The following COL5A2 variants were observed in gnomAD, a reference collection of about 807,000 sequenced individuals.
COL5A2 encodes collagen alpha-2(V) chain.
COL5A2 carries 23 observed loss-of-function variants against 208.2 expected under a neutral mutation model. That is an observed-to-expected ratio of 0.11 (90% CI 0.08 to 0.16). The LOEUF (loss-of-function observed/expected upper bound fraction) is 0.16. COL5A2 is among the 10% of genes least tolerant of loss of function. The probability of loss-of-function intolerance (pLI) is 1.00; values close to 1 mark genes in which losing one functional copy is unlikely to be tolerated. For synonymous variants in COL5A2, 625 were observed against 628.5 expected (o/e 0.99, Z 0.08); for missense variants, 1,590 against 1,956.4 (o/e 0.81, Z 3.53).
the COL5A2 span, among the ~76,000 whole-genome samples, chr2:189,312,946 T>A: frequency 6.6e-6 from 1 of 150,802 alleles, no homozygotes; most frequent in Non-Finnish European, 1.5e-5. Context: ...ATGAGAAAGA[T>A]TCAGCACAAG....
chr2:189,176,510 T>C (rs1688680917), intron 1 of COL5A2, among the ~76,000 whole-genome samples: 1 of 152,184 alleles, frequency 6.6e-6, no homozygotes, highest in Non-Finnish European at 1.5e-5. Context: ...CCATGTTGAA[T>C]ACAATGATTC....
At chr2:189,192,008 C>A (rs1688938532) in intron 1 of COL5A2, among the ~76,000 whole-genome samples, 1 of 152,116 alleles carries the variant, frequency 6.6e-6, no homozygotes, top group Admixed American at 6.5e-5. Context: ...AATCAGTAAC[C>A]ATACATAGAT....
chr2:189,075,069 G>A (rs890249389), intron 17 of COL5A2, among the ~76,000 whole-genome samples: 2 of 152,090 alleles, frequency 1.3e-5, no homozygotes, highest in Admixed American at 1.3e-4. Context: ...AGCCCACTGT[G>A]TTTTGTCATC....
the COL5A2 span, among the ~76,000 whole-genome samples, chr2:189,271,413 T>G: frequency 6.6e-6 from 1 of 152,134 alleles, no homozygotes; most frequent in Non-Finnish European, 1.5e-5. Context: ...GGGGAAAGGA[T>G]TCCCTATTTA....
At chr2:189,057,180 A>G (rs1045994033) in intron 34 of COL5A2, 140 bp downstream of exon 34, 5 of 1,031,972 alleles carry the variant, frequency 4.8e-6, no homozygotes, top group Non-Finnish European at 7.4e-6. Context: ...TTCTCAGTAA[A>G]TGTTTATTAG....
At chr2:189,119,123 T>C (rs1687451626) in intron 1 of COL5A2, among the ~76,000 whole-genome samples, 1 of 152,118 alleles carries the variant, frequency 6.6e-6, no homozygotes, top group Admixed American at 6.6e-5. Flanking sequence ...ATACTTGGTA[T>C]GAGAAAAAGA....
chr2:189,254,155 T>C, the COL5A2 span, among the ~76,000 whole-genome samples: 1 of 152,246 alleles, frequency 6.6e-6, no homozygotes, highest in Non-Finnish European at 1.5e-5. Flanking sequence ...AGTTCTCTGT[T>C]GATTGCCCTT....
chr2:189,039,861 T>TTATGTTAATAGCATGCAGATATG (rs1296192325), intron 50 of COL5A2, among the ~76,000 whole-genome samples: 2 of 152,060 alleles, frequency 1.3e-5, no homozygotes, highest in African/African-American at 2.4e-5. Context: ...ACAACATATT[T>TTATGTTAATAGCATGCAGATATG]TATGTTAATA....
the COL5A2 span, among the ~76,000 whole-genome samples, chr2:189,409,405 G>A: frequency 4.0e-5 from 6 of 151,692 alleles, no homozygotes; most frequent in African/African-American, 1.2e-4. Context: ...TAAAGCACAT[G>A]CCCTAGTCAG....
At chr2:189,298,461 G>T in the COL5A2 span, among the ~76,000 whole-genome samples, 5 of 151,974 alleles carry the variant, frequency 3.3e-5, no homozygotes, top group Admixed American at 2.0e-4. Flanking sequence ...TCCTGCTGGG[G>T]TCCCCCTGAC....
At chr2:189,428,471 A>T in the COL5A2 span, among the ~76,000 whole-genome samples, 3 of 152,154 alleles carry the variant, frequency 2.0e-5, no homozygotes, top group Non-Finnish European at 4.4e-5. Context: ...TACAAAAATT[A>T]GCTGGGTGTG....
chr2:189,058,337 A>C, intron 33 of COL5A2, 92 bp downstream of exon 33: 1 of 1,033,770 alleles, frequency 9.7e-7, no homozygotes, highest in Non-Finnish European at 1.5e-6. Context: ...TTATCTTTCA[A>C]AAACAAGACA....
At chr2:189,258,638 T>A in the COL5A2 span, among the ~76,000 whole-genome samples, 3 of 152,214 alleles carry the variant, frequency 2.0e-5, no homozygotes, top group African/African-American at 7.2e-5. Flanking sequence ...TTGTAAGGAA[T>A]ATGATGTGTT....
chr2:189,253,861 T>G, the COL5A2 span, among the ~76,000 whole-genome samples: 1 of 152,242 alleles, frequency 6.6e-6, no homozygotes. Flanking sequence ...CCTTCATTGC[T>G]CTGTGAGACC....
At chr2:189,088,622 TAACTC>T in intron 8 of COL5A2, 68 bp downstream of exon 8, 2 of 1,095,058 alleles carry the variant, frequency 1.8e-6, no homozygotes, top group East Asian at 2.4e-5. Context: ...TTTGACTAGT[TAACTC>T]AAGATTCTCT....
chr2:189,071,759 T>C (rs1167085237), intron 18 of COL5A2, among the ~76,000 whole-genome samples: 1 of 152,210 alleles, frequency 6.6e-6, no homozygotes, highest in Non-Finnish European at 1.5e-5. Flanking sequence ...CTATTCCTTA[T>C]AGTTGTTTTG....
At chr2:189,335,368 G>A in the COL5A2 span, among the ~76,000 whole-genome samples, 1 of 152,096 alleles carries the variant, frequency 6.6e-6, no homozygotes, top group African/African-American at 2.4e-5. Flanking sequence ...TGGTGGGAAT[G>A]TAAAATGGTG....
intron 1 of COL5A2, among the ~76,000 whole-genome samples, chr2:189,142,761 T>G (rs1309918930): frequency 1.3e-5 from 2 of 152,080 alleles, no homozygotes; most frequent in African/African-American, 4.8e-5. Flanking sequence ...TGTGTCACCT[T>G]TCTCAAACCT....
chr2:189,402,385 T>C, the COL5A2 span, among the ~76,000 whole-genome samples: 4 of 152,150 alleles, frequency 2.6e-5, no homozygotes, highest in Non-Finnish European at 5.9e-5. Flanking sequence ...ACCCAGTTAA[T>C]TTTTGAATTT....
Sources: allele counts gnomAD v4.1 joint callset (sites outside exome capture counted in the v4.1 genomes callset), GRCh38; gene constraint gnomAD v4.1.1; transcripts MANE v1.5; gene names NCBI Gene and HGNC (gene_info 2026-07-23, HGNC 2026-07-21).